The following ZNF106 variants were observed in gnomAD, a reference collection of about 807,000 sequenced individuals.
ZNF106 encodes SH3-domain binding protein 3.
A neutral mutation model predicts 195.1 loss-of-function variants in ZNF106; 67 were observed. The observed-to-expected ratio is 0.34, with a 90% CI of 0.28 to 0.42. The LOEUF (loss-of-function observed/expected upper bound fraction) is 0.42. ZNF106 is among the 10% of genes least tolerant of loss of function. The pLI, the probability that ZNF106 is intolerant of heterozygous loss-of-function variation, is 1.00. For synonymous variants in ZNF106, 784 were observed against 818.6 expected, an observed-to-expected ratio of 0.96 and a Z score of 0.72; for missense variants, 2,118 against 2,304.5, an observed-to-expected ratio of 0.92 and a Z score of 1.66.
intron 10 of ZNF106, 52 bp downstream of exon 10, chr15:42,442,020 AT>A (rs1442820183): frequency 1.4e-6 from 2 of 1,409,252 alleles, no homozygotes; most frequent in Non-Finnish European, 1.9e-6. Flanking sequence ...TCATATAAAA[AT>A]GCCCCAGTCT....
intron 16 of ZNF106, chr15:42,424,457 C>T (rs1016089344): frequency 6.1e-5 from 16 of 263,002 alleles, no homozygotes; most frequent in Non-Finnish European, 1.0e-4. Flanking sequence ...TGAGACAACA[C>T]GGGAAATGCC....
At chr15:42,466,656 A>G (rs576148924) in intron 2 of ZNF106, among the ~76,000 whole-genome samples, 9 of 152,350 alleles carry the variant, frequency 5.9e-5, no homozygotes, top group African/African-American at 1.4e-4. Flanking sequence ...TCTCTATGCT[A>G]GATAAGAAAG....
At position 42,424,928 on chromosome 15, in the gene ZNF106, C is replaced by T; in HGVS notation, c.5096G>A (p.Gly1699Glu). The change falls in exon 16 of 22, where the codon GGG becomes GAG. Residue 1699 changes from glycine (G) to glutamate (E), a missense_variant. Coordinates refer to ENST00000564754, the MANE Select transcript of ZNF106 (RefSeq NM_001366845.3). ...TACACTAATTGTGCAGTCATAAGAC[C>T]CCACGACCAGCAGTTTTCGGGCACC... ...QEGARKLLVV[G>E]SYDCTISVRD... is the part of the protein sequence containing the mutation. 1 of 1,614,138 alleles carries T rather than the reference C, an allele frequency of 6.2e-7. No individual in the cohort carries two copies. Among genetic ancestry groups the T allele is most frequent in the Non-Finnish European group, 8.5e-7 (1 of 1,180,018 alleles).
chr15:42,432,699 C>T (rs577328835), intron 14 of ZNF106, among the ~76,000 whole-genome samples: 2 of 137,780 alleles, frequency 1.5e-5, no homozygotes, highest in East Asian at 4.0e-4. Flanking sequence ...ATAGCAAGAC[C>T]GTATTTCTAA....
rs368058761 is a variant in ZNF106 at position 42,450,114 on chromosome 15, C to T, written c.2158G>A (p.Ala720Thr). 24 of 1,614,090 alleles carry T rather than the reference C, an allele frequency of 1.5e-5. No individual in the cohort carries two copies. Among genetic ancestry groups the T allele is most frequent in the East Asian group, 4.5e-5 (2 of 44,902 alleles). Reference sequence around the variant, plus strand: ...TTTTGAAGCTCTGCATCCAAGCTAGCACTCTCAAAGCCTTCTGTTTCATAA... The same window carrying T: ...TTTTGAAGCTCTGCATCCAAGCTAGTACTCTCAAAGCCTTCTGTTTCATAA... Reference protein sequence around the residue: ...VSYETEGFESASLDAELQKSD... With the variant: ...VSYETEGFESTSLDAELQKSD... Residue 720 changes from alanine (A) to threonine (T), a missense_variant, in exon 5 of 22, where the codon GCT becomes ACT. Ala to Thr is a moderately conservative substitution (Grantham distance 58, BLOSUM62 0). Coordinates refer to ENST00000564754, the MANE Select transcript of ZNF106 (RefSeq NM_001366845.3).
At chr15:42,439,008 G>T in intron 11 of ZNF106, 25 bp downstream of exon 11, 1 of 1,577,030 alleles carries the variant, frequency 6.3e-7, no homozygotes, top group South Asian at 1.2e-5. Context: ...AAGTTGTTCT[G>T]ACTGGACCAA....
Position 42,448,635 on chromosome 15 carries a change from G to C in ZNF106, c.2572C>G (p.Leu858Val), listed in dbSNP as rs1392302731. 3.1e-6 allele frequency: 5 copies of C among 1,613,588 alleles called. No individual in the cohort carries two copies. The highest frequency in any genetic ancestry group is 1.3e-5 in the African/African-American group (1 of 74,940). ...CACTGGAATCCTTCTAGACTGGACA[G>C]ATCAGGTTCCCCATCCAAATCTAAG... Reference protein sequence around the residue: ...EALDLDGEPDLSSLEGFQWEG... With the variant: ...EALDLDGEPDVSSLEGFQWEG... The change falls in exon 6 of 22, where the codon CTG becomes GTG. Residue 858 changes from leucine to valine, a missense_variant. Coordinates refer to ENST00000564754, the MANE Select transcript of ZNF106 (RefSeq NM_001366845.3).
intron 8 of ZNF106, 78 bp from the exon 9 acceptor site, chr15:42,444,340 G>T (rs1209081695): frequency 1.8e-6 from 2 of 1,141,392 alleles, no homozygotes; most frequent in Non-Finnish European, 2.6e-6. Context: ...TTTCTTCTAT[G>T]TCCTGACCAA....
intron 2 of ZNF106, among the ~76,000 whole-genome samples, chr15:42,468,065 C>T (rs943617585): frequency 3.5e-5 from 5 of 142,474 alleles, no homozygotes; most frequent in East Asian, 2.0e-4. Context: ...TGATTCAAAA[C>T]GCCTTTTTTT....
intron 20 of ZNF106, among the ~76,000 whole-genome samples, chr15:42,419,137 G>GC (rs1427750105): frequency 6.6e-6 from 1 of 151,914 alleles, no homozygotes; most frequent in Non-Finnish European, 1.5e-5. Flanking sequence ...GGGATGCTGA[G>GC]GCAGGCGGAT....
chr15:42,446,552 C>A (rs372777959), intron 7 of ZNF106, 37 bp downstream of exon 7: 2 of 1,549,734 alleles, frequency 1.3e-6, no homozygotes, highest in Non-Finnish European at 1.8e-6. Context: ...AACCAAAAAA[C>A]ACCAACTTCT....
intron 6 of ZNF106, 23 bp from the exon 7 acceptor site, chr15:42,446,681 A>G (rs1390419666): frequency 1.9e-6 from 3 of 1,566,298 alleles, no homozygotes; most frequent in African/African-American, 1.4e-5. Flanking sequence ...AGAAAACTGA[A>G]TAAAATCCAA....
chr15:42,443,675 A>G (rs1471085770), intron 9 of ZNF106, among the ~76,000 whole-genome samples: 3 of 151,978 alleles, frequency 2.0e-5, no homozygotes, highest in African/African-American at 4.8e-5. Flanking sequence ...GGCTGCAGTG[A>G]GCCATGATCG....
At chr15:42,475,766 G>T (rs1172819503) in intron 1 of ZNF106, among the ~76,000 whole-genome samples, 1 of 152,176 alleles carries the variant, frequency 6.6e-6, no homozygotes, top group Non-Finnish European at 1.5e-5. Context: ...AAGGGTTGGA[G>T]AAATTGGTAA....
intron 1 of ZNF106, among the ~76,000 whole-genome samples, chr15:42,486,717 AGTTTTGTTATTATGCT>A (rs1189979390): frequency 6.6e-6 from 1 of 152,200 alleles, no homozygotes; most frequent in Non-Finnish European, 1.5e-5. Flanking sequence ...TGGCAAAATT[AGTTTTGTTATTATGCT>A]GTTTTGCTTA....
Position 42,482,522 on chromosome 15 carries a change from G to GTTTTTTTTTTTTT in ZNF106, c.-33+8445_-33+8457dup, listed in dbSNP as rs905219332. Among the ~76,000 whole-genome samples, 10 of 82,544 alleles carry GTTTTTTTTTTTTT rather than the reference G, an allele frequency of 1.2e-4. 1 individual carries two copies. The highest frequency in any genetic ancestry group is 1.7e-4 in the African/African-American group (3 of 17,574). The allele number at this position is 82,544 out of a possible 152,430, so 54.2% of individuals were successfully genotyped here. A position where few individuals can be genotyped will look rare whatever the true frequency, so the allele number is the denominator to read the frequency against. On this transcript the variant is annotated intron_variant, in intron 1 of 21. Transcript: ENST00000564754. ...TCTTAGGCAGTAGATGAAATCTCCA[G>GTTTTTTTTTTTTT]TTTTTTTTTTTTTTTTTTTTTTTTG... is the stretch of plus-strand genomic sequence containing the variant.
chr15:42,472,180 CAT>C, intron 2 of ZNF106, 54 bp downstream of exon 2: 1 of 1,458,024 alleles, frequency 6.9e-7, no homozygotes, highest in Non-Finnish European at 9.2e-7. Context: ...CTATTAATAA[CAT>C]GTCTCTTTAA....
chr15:42,473,865 T>C (rs1438898547), intron 1 of ZNF106, among the ~76,000 whole-genome samples: 1 of 152,150 alleles, frequency 6.6e-6, no homozygotes, highest in Non-Finnish European at 1.5e-5. Flanking sequence ...AGTGATGCTG[T>C]ATAACTTAAG....
At chr15:42,488,734 C>A (rs1327752797) in intron 1 of ZNF106, among the ~76,000 whole-genome samples, 1 of 152,122 alleles carries the variant, frequency 6.6e-6, no homozygotes, top group African/African-American at 2.4e-5. Flanking sequence ...TCTAGATGTA[C>A]AATAATCACT....
Sources: gnomAD v4.1 joint callset for allele counts (sites outside exome capture counted in the v4.1 genomes callset) on GRCh38, gnomAD v4.1.1 for gene constraint, MANE v1.5 for transcripts, NCBI Gene and HGNC (gene_info 2026-07-23, HGNC 2026-07-21) for gene names.